Variants in PCDHA5 observed in about 807,000 individuals in gnomAD.
PCDHA5 encodes the protein protocadherin alpha 5, also known as protocadherin alpha-5.
PCDHA5 carries 43 observed loss-of-function variants against 61.6 expected under a neutral mutation model. That is an observed-to-expected ratio of 0.70 (90% CI 0.55 to 0.90). The LOEUF is 0.90. Ranked by LOEUF, PCDHA5 falls within the 40% of genes least tolerant of loss-of-function variation. The pLI is 0.00. For missense variants in PCDHA5, 1,298 were observed against 1,222.7 expected (o/e 1.06, Z -0.92); for synonymous variants, 627 against 543.9 (o/e 1.15, Z -2.13).
At chr5:140,828,749 C>T (rs2150158539) in intron 1 of PCDHA5, 1 of 1,614,192 alleles carries the variant, frequency 6.2e-7, no homozygotes, top group South Asian at 1.1e-5. Flanking sequence ...TGGGGGCAAA[C>T]CTGAGCTCAC....
intron 1 of PCDHA5, chr5:140,877,662 C>T: frequency 6.2e-7 from 1 of 1,613,558 alleles, no homozygotes; most frequent in Non-Finnish European, 8.5e-7. Context: ...CCACCGTGAG[C>T]CGGTGCGCGC....
chr5:140,939,175 C>A (rs2092330886), intron 1 of PCDHA5, among the ~76,000 whole-genome samples: 1 of 152,010 alleles, frequency 6.6e-6, no homozygotes, highest in African/African-American at 2.4e-5. Context: ...TGGTAATGGC[C>A]CACTCCCTGG....
intron 1 of PCDHA5, among the ~76,000 whole-genome samples, chr5:140,873,038 G>A (rs1304592086): frequency 1.3e-5 from 2 of 152,120 alleles, no homozygotes; most frequent in Admixed American, 6.5e-5. Context: ...CACGTAGAGT[G>A]GTGGTATTAC....
chr5:140,969,040 A>G (rs1554231380), intron 1 of PCDHA5: 1 of 1,614,150 alleles, frequency 6.2e-7, no homozygotes. Context: ...AACTGTACAA[A>G]CAAGCCAACA....
At position 140,822,217 on chromosome 5, in the gene PCDHA5, G is replaced by A. The variant is rs1554128520; in HGVS notation, c.442G>A (p.Asp148Asn). 1 of 1,614,270 alleles carries A rather than the reference G, an allele frequency of 6.2e-7. No individual in the cohort carries two copies. Reference sequence around the variant, plus strand: ...ATTCATTTTAGAGTCAAGAATGCCAGATTCGCGGTTTCCGCTAGAGGGCGC... The same window carrying A: ...ATTCATTTTAGAGTCAAGAATGCCAAATTCGCGGTTTCCGCTAGAGGGCGC... ...RLFILESRMPDSRFPLEGASD... is the reference protein window; with the variant it reads ...RLFILESRMPNSRFPLEGASD... Residue 148 changes from aspartate to asparagine, a missense_variant, in exon 1 of 4, where the codon GAT becomes AAT. By Grantham distance (23) the Asp-to-Asn change is conservative. Coordinates refer to ENST00000529859, the MANE Select transcript of PCDHA5 (RefSeq NM_018908.3).
chr5:140,946,377 T>C (rs1554217528), intron 1 of PCDHA5, among the ~76,000 whole-genome samples: 1 of 151,764 alleles, frequency 6.6e-6, no homozygotes, highest in African/African-American at 2.4e-5. Flanking sequence ...TTGCACACGG[T>C]TGGTAGGAAT....
intron 1 of PCDHA5, chr5:140,834,106 C>T (rs1156396918): frequency 1.8e-5 from 7 of 396,312 alleles, no homozygotes; most frequent in Non-Finnish European, 3.1e-5. Flanking sequence ...GAAAAAAATT[C>T]AGAGTTTGAA....
At chr5:140,838,615 T>G (rs1554137122) in intron 1 of PCDHA5, among the ~76,000 whole-genome samples, 2 of 152,036 alleles carry the variant, frequency 1.3e-5, no homozygotes, top group African/African-American at 4.8e-5. Flanking sequence ...TTTTAAAAAT[T>G]TTTTACAAAT....
intron 1 of PCDHA5, among the ~76,000 whole-genome samples, chr5:140,871,977 C>T (rs533366368): frequency 6.6e-6 from 1 of 152,288 alleles, no homozygotes; most frequent in East Asian, 1.9e-4. Flanking sequence ...CTATGATGTC[C>T]AGGTTGGACT....
intron 1 of PCDHA5, chr5:140,882,667 C>T (rs576133039): frequency 1.2e-6 from 2 of 1,614,160 alleles, no homozygotes; most frequent in Non-Finnish European, 1.7e-6. Flanking sequence ...CGCCCATATT[C>T]CCTGAAAGCA....
intron 1 of PCDHA5, chr5:140,862,055 T>A (rs562841635): frequency 6.4e-6 from 1 of 155,712 alleles, no homozygotes; most frequent in East Asian, 1.9e-4. Context: ...ATTGTTTCTT[T>A]GCAACTGATG....
Position 141,009,995 on chromosome 5 carries a change from C to T in PCDHA5, c.*58C>T, listed in dbSNP as rs1178395504. 6.3e-7 allele frequency: 1 copy of T among 1,576,476 alleles called. No individual in the cohort carries two copies. The highest frequency in any genetic ancestry group is 8.6e-7 in the Non-Finnish European group (1 of 1,165,244). ...TTTTTGTAATAATGGCAAATCTCTC[C>T]CATGTAGCAATTCCCTGCTCCTTTT... On this transcript the variant is annotated 3_prime_UTR_variant, in exon 4 of 4. Coordinates refer to ENST00000529859, the MANE Select transcript of PCDHA5 (RefSeq NM_018908.3).
At chr5:140,831,544 T>A (rs2150108470) in intron 1 of PCDHA5, among the ~76,000 whole-genome samples, 1 of 122,808 alleles carries the variant, frequency 8.1e-6, no homozygotes, top group Non-Finnish European at 1.7e-5. Flanking sequence ...TTTTTTTTTT[T>A]AAGAGATGGG....
At position 140,821,979 on chromosome 5, in the gene PCDHA5, G is replaced by A. The variant is rs2150112472; in HGVS notation, c.204G>A (p.Lys68=). 8.7e-6 allele frequency: 14 copies of A among 1,614,132 alleles called. No individual in the cohort carries two copies. Among genetic ancestry groups the A allele is most frequent in the South Asian group, 4.4e-5 (4 of 91,088 alleles). The change falls in exon 1 of 4, where the codon AAG becomes AAA. Residue 68 remains lysine, a synonymous_variant. Coordinates refer to ENST00000529859, the MANE Select transcript of PCDHA5 (RefSeq NM_018908.3). ...LVPRLFRVAS[K]GRGDLLEVNL... ...CGCGCCTGTTCCGGGTGGCGTCCAA[G>A]GGCCGCGGGGACCTTCTGGAGGTAA... is the stretch of plus-strand genomic sequence containing the variant.
At chr5:140,929,183 C>G (rs148631412) in intron 1 of PCDHA5, 1 of 1,614,144 alleles carries the variant, frequency 6.2e-7, no homozygotes, top group East Asian at 2.2e-5. Flanking sequence ...GGACTTGGTT[C>G]TGATAATAAC....
chr5:140,993,397 T>C (rs2097553822), intron 3 of PCDHA5, among the ~76,000 whole-genome samples: 2 of 151,682 alleles, frequency 1.3e-5, no homozygotes, highest in Admixed American at 1.3e-4. Context: ...ACTCCATCAT[T>C]AACCACCTTC....
rs1320203097 is a variant in PCDHA5 at position 140,848,970 on chromosome 5, G to C, written c.2352+24843G>C. ...TCGGTTTCCACTAGAGGGCGCGTCC[G>C]ATGCAGATATCGGGGAGAACGCCCT... On this transcript the variant is annotated intron_variant, in intron 1 of 3. Transcript: ENST00000529859. 3.7e-5 allele frequency: 60 copies of C among 1,602,546 alleles called. 1 individual carries two copies. The highest frequency in any genetic ancestry group is 5.0e-5 in the Non-Finnish European group (59 of 1,173,282).
At chr5:140,835,917 G>T in intron 1 of PCDHA5, 1 of 1,612,332 alleles carries the variant, frequency 6.2e-7, no homozygotes, top group Non-Finnish European at 8.5e-7. Flanking sequence ...GTCAGTGCAC[G>T]CGGAGAGCGG....
chr5:140,862,359 C>T (rs1364549064), intron 1 of PCDHA5: 3 of 337,738 alleles, frequency 8.9e-6, no homozygotes, highest in African/African-American at 4.3e-5. Flanking sequence ...AAGGGACAGA[C>T]GACCCGCACC....
Sources: gnomAD v4.1 joint callset for allele counts (sites outside exome capture counted in the v4.1 genomes callset) on GRCh38, gnomAD v4.1.1 for gene constraint, MANE v1.5 for transcripts, NCBI Gene and HGNC (gene_info 2026-07-23, HGNC 2026-07-21) for gene names.